Variants in NIPSNAP3A observed in about 807,000 individuals in gnomAD.
NIPSNAP3A encodes the protein protein NipSnap homolog 3A.
In NIPSNAP3A, 27 loss-of-function variants were observed where a neutral mutation model predicts 32.3. The ratio of observed to expected loss-of-function variants is 0.84; its 90% confidence interval spans 0.62 to 1.15. The LOEUF is 1.15. Among genes scored for constraint, NIPSNAP3A ranks in the 50% most tolerant of loss-of-function variants. The pLI is 0.00. For synonymous variants in NIPSNAP3A, 108 were observed against 107.3 expected, an observed-to-expected ratio of 1.01 and a Z score of -0.04; for missense variants, 278 against 297.2, an observed-to-expected ratio of 0.94 and a Z score of 0.48.
At chr9:104,754,445 G>T in intron 3 of NIPSNAP3A, 106 bp from the exon 4 acceptor site, 1 of 916,520 alleles carries the variant, frequency 1.1e-6, no homozygotes, top group East Asian at 2.5e-5. Context: ...ATGCATGTCT[G>T]ATCCTCCAAA....
Position 104,747,837 on chromosome 9 carries a change from G to A in NIPSNAP3A, c.45G>A (p.Arg15=). 6.2e-7 allele frequency: 1 copy of A among 1,608,542 alleles called. No homozygotes were observed. The highest frequency in any genetic ancestry group is 1.3e-5 in the African/African-American group (1 of 74,958). The change falls in exon 1 of 6, where the codon CGG becomes CGA. Residue 15 remains arginine, a synonymous_variant. Transcript: ENST00000374767. ...RSALTRALAS[R]TLAPQMCSSF... is the part of the protein sequence containing the mutation. ...CCCTGACTCGGGCGCTGGCCTCACG[G>A]ACGCTGGCGCCTCAGGTACCGGCCA... is the stretch of plus-strand genomic sequence containing the variant.
At chr9:104,750,138 A>G (rs1373414699) in intron 1 of NIPSNAP3A, among the ~76,000 whole-genome samples, 2 of 152,240 alleles carry the variant, frequency 1.3e-5, no homozygotes, top group Non-Finnish European at 2.9e-5. Context: ...ATGCCTGCCA[A>G]AAGTTACGTG....
intron 3 of NIPSNAP3A, 120 bp from the exon 4 acceptor site, chr9:104,754,430 TA>T: frequency 1.3e-6 from 1 of 763,904 alleles, no homozygotes; most frequent in South Asian, 1.7e-5. Context: ...GTCTACATAA[TA>T]TGTATGCATG....
In NIPSNAP3A at chr9:104,748,308, C is replaced by T. The variant is rs933014052; in HGVS notation, c.60+456C>T. ...GTTGAAGGAGGGAATTGTCAACCAG[C>T]CGCTTGCCACGGAACCGGCCTCCCC... On this transcript the variant is annotated intron_variant, in intron 1 of 5. Transcript: ENST00000374767. Among the ~76,000 whole-genome samples the T allele has an allele frequency of 2.0e-5, 3 of 152,314 alleles. No homozygotes were observed. The South Asian group carries it at 6.2e-4, about 32-fold the overall frequency.
rs1233977719 is a variant in NIPSNAP3A at position 104,754,682 on chromosome 9, T to G, written c.562T>G (p.Tyr188Asp). The G allele has an allele frequency of 6.2e-7, 1 of 1,613,804 alleles. No homozygotes were observed. The highest frequency in any genetic ancestry group is 8.5e-7 in the Non-Finnish European group (1 of 1,179,744). Residue 188 changes from tyrosine (Y) to aspartate (D), a missense_variant, in exon 4 of 6, where the codon TAC (tyrosine) becomes GAC (aspartate). Transcript: ENST00000374767. ...ACTAGTTGGAGTGTTCCACACAGAGTACGGAGCACTCAACAGAGGTACAAT... is the reference window on the plus strand; with the variant it reads ...ACTAGTTGGAGTGTTCCACACAGAGGACGGAGCACTCAACAGAGGTACAAT... Reference protein sequence around the residue: ...TKLVGVFHTEYGALNRVHVLW... With the variant: ...TKLVGVFHTEDGALNRVHVLW...
Position 104,751,005 on chromosome 9 carries a change from A to G in NIPSNAP3A, c.110A>G (p.Tyr37Cys), listed in dbSNP as rs773848150. 1.6e-5 allele frequency: 26 copies of G among 1,613,936 alleles called. No individual in the cohort carries two copies. The highest frequency in any genetic ancestry group is 8.3e-5 in the Admixed American group (5 of 60,002). Residue 37 changes from tyrosine to cysteine, a missense_variant, in exon 2 of 6, where the codon TAT (tyrosine) becomes TGT (cysteine). Physicochemically the swap from Tyr to Cys is radical, Grantham distance 194. Coordinates refer to ENST00000374767, the MANE Select transcript of NIPSNAP3A (RefSeq NM_015469.3). The stretch of plus-strand genomic sequence containing the variant: ...CCCAGACAATACGATGGAATATTCT[A>G]TGAATTTCGTTCTTATTACCTTAAG... ...TGPRQYDGIFYEFRSYYLKPS... is the reference protein window; with the variant it reads ...TGPRQYDGIFCEFRSYYLKPS...
intron 4 of NIPSNAP3A, among the ~76,000 whole-genome samples, chr9:104,755,646 T>C (rs1261718890): frequency 6.6e-6 from 1 of 152,174 alleles, no homozygotes; most frequent in Admixed American, 6.5e-5. Context: ...AAAGAGCTGA[T>C]GAGGTAGCTC....
Position 104,759,393 on chromosome 9 carries a change from T to C in NIPSNAP3A, c.*55T>C. ...AACTGCTATAGGATCTGTCTGCTAA[T>C]GGTGCTTAAATTCTCCCAAGAGGTT... On this transcript the variant is annotated 3_prime_UTR_variant, in exon 6 of 6. Coordinates refer to ENST00000374767, the MANE Select transcript of NIPSNAP3A (RefSeq NM_015469.3). 1 of 1,547,170 alleles carries C rather than the reference T, an allele frequency of 6.5e-7. No individual in the cohort carries two copies. Among genetic ancestry groups the C allele is most frequent in the South Asian group, 1.1e-5 (1 of 88,916 alleles).
In NIPSNAP3A at chr9:104,759,277, A is replaced by G. The variant is rs767467915; in HGVS notation, c.683A>G (p.Asn228Ser). Reference protein sequence around the residue: ...RVVAAVRESVNYLVSQQNMLL... With the variant: ...RVVAAVRESVSYLVSQQNMLL... ...GTTTTTCCAGTTCGGGAAAGTGTCA[A>G]CTACCTAGTATCTCAGCAGAATATG... Residue 228 changes from asparagine to serine, a missense_variant, in exon 6 of 6, where the codon AAC (asparagine) becomes AGC (serine). Asn to Ser is a conservative substitution (Grantham distance 46). Transcript: ENST00000374767. 36 of 1,614,004 alleles carry G rather than the reference A, an allele frequency of 2.2e-5. No individual in the cohort carries two copies. Among genetic ancestry groups the G allele is most frequent in the African/African-American group, 8.0e-5 (6 of 74,908 alleles).
rs3753024 is a variant in NIPSNAP3A, at chr9:104,747,864, G to C, written c.60+12G>C. On this transcript the variant is annotated intron_variant, in intron 1 of 5. Coordinates refer to ENST00000374767, the MANE Select transcript of NIPSNAP3A (RefSeq NM_015469.3). Reference sequence around the variant, plus strand: ...CGCTGGCGCCTCAGGTACCGGCCACGGGGGTACCCAAGCCTTCACCCGACG... The same window carrying C: ...CGCTGGCGCCTCAGGTACCGGCCACCGGGGTACCCAAGCCTTCACCCGACG... 0.64 allele frequency: 1,018,548 copies of C among 1,603,034 alleles called. 326,381 individuals are homozygous for C. The highest frequency in any genetic ancestry group is 0.66 in the Non-Finnish European group (773,524 of 1,176,242).
In NIPSNAP3A at chr9:104,753,044, T is replaced by C; in HGVS notation, c.410T>C (p.Leu137Ser). ...ACTTATCTGGTACCATGGTGCAAAT[T>C]AGAAAAACCTCCAAAAGAAGGTAAG... ...EITYLVPWCK[L>S]EKPPKEGVYE... Residue 137 changes from leucine (L) to serine (S), a missense_variant, in exon 3 of 6, where the codon TTA becomes TCA. By Grantham distance (145) the Leu-to-Ser change is moderately radical. Coordinates refer to ENST00000374767, the MANE Select transcript of NIPSNAP3A (RefSeq NM_015469.3). The C allele has an allele frequency of 6.2e-7, 1 of 1,613,420 alleles. No individual in the cohort carries two copies. The highest frequency in any genetic ancestry group is 8.5e-7 in the Non-Finnish European group (1 of 1,179,488).
chr9:104,758,492 G>C (rs910835004), intron 4 of NIPSNAP3A, among the ~76,000 whole-genome samples: 1 of 152,068 alleles, frequency 6.6e-6, no homozygotes, highest in African/African-American at 2.4e-5. Flanking sequence ...TGTCTTGATT[G>C]TGCCTCTAGC....
chr9:104,747,974 G>T (rs964319662), intron 1 of NIPSNAP3A, 122 bp downstream of exon 1: 3 of 975,542 alleles, frequency 3.1e-6, no homozygotes, highest in South Asian at 3.3e-5. Flanking sequence ...CAGACCTGGG[G>T]CCCCGGTGAG....
At chr9:104,755,919 C>T (rs1827901074) in intron 4 of NIPSNAP3A, among the ~76,000 whole-genome samples, 1 of 147,746 alleles carries the variant, frequency 6.8e-6, no homozygotes, top group African/African-American at 2.5e-5. Context: ...GACCCTGTCT[C>T]TTAAAAAAAA....
At position 104,751,033 on chromosome 9, in the gene NIPSNAP3A, C is replaced by T. The variant is rs761573379; in HGVS notation, c.138C>T (p.Pro46=). The T allele has an allele frequency of 5.6e-6, 9 of 1,614,014 alleles. No homozygotes were observed. The East Asian group carries it at 1.8e-4, about 32-fold the overall frequency. The part of the protein sequence containing the change: ...FYEFRSYYLK[P]SKMNEFLENF... ...AATTTCGTTCTTATTACCTTAAGCCCTCAAAGATGAATGAGTTCCTGGAAA... is the reference window on the plus strand; with the variant it reads ...AATTTCGTTCTTATTACCTTAAGCCTTCAAAGATGAATGAGTTCCTGGAAA... Residue 46 remains proline (P), a synonymous_variant, in exon 2 of 6, where the codon CCC becomes CCT. Transcript: ENST00000374767.
At position 104,751,135 on chromosome 9, in the gene NIPSNAP3A, A is replaced by G; in HGVS notation, c.240A>G (p.Arg80=). 1.2e-6 allele frequency: 2 copies of G among 1,613,690 alleles called. No homozygotes were observed. Among genetic ancestry groups the G allele is most frequent in the Non-Finnish European group, 1.7e-6 (2 of 1,179,606 alleles). Residue 80 remains arginine, a synonymous_variant, in exon 2 of 6, where the codon AGA becomes AGG. Transcript: ENST00000374767. ...ACTGGAGTGTAGAATTTGGAGGCAG[A>G]ATGAATACAGTGTTTCATATTTGGA... ...VGYWSVEFGG[R]MNTVFHIWKY...
intron 3 of NIPSNAP3A, 22 bp downstream of exon 3, chr9:104,753,086 A>G: frequency 1.2e-6 from 2 of 1,603,650 alleles, no homozygotes; most frequent in Non-Finnish European, 8.5e-7. Context: ...CTTCTTAGTC[A>G]CTGAGTTTTG....
rs34457398 is a variant in NIPSNAP3A, at chr9:104,758,971, CAAAAAAAA to C, written c.581-96_581-89del. The C allele has an allele frequency of 3.5e-4, 142 of 402,544 alleles. 1 individual carries two copies. The highest frequency in any genetic ancestry group is 1.7e-3 in the Admixed American group (38 of 22,152). The allele number at this position is 402,544 out of a possible 1,614,324, so 24.9% of individuals were successfully genotyped here. A position where few individuals can be genotyped will look rare whatever the true frequency, so the allele number is the denominator to read the frequency against. On this transcript the variant is annotated intron_variant, in intron 4 of 5. Transcript: ENST00000374767. ...GGTGACAAGAGTGAAACTCTTGTTT[CAAAAAAAA>C]AAAAAAAAAAAAAAAAAGAATAGGA...
Position 104,753,168 on chromosome 9 carries a change from T to C in NIPSNAP3A, c.430+104T>C, listed in dbSNP as rs1039397584. On this transcript the variant is annotated intron_variant, in intron 3 of 5. Coordinates refer to ENST00000374767, the MANE Select transcript of NIPSNAP3A (RefSeq NM_015469.3). Reference sequence around the variant, plus strand: ...TTGGAAAAAAATAAAATTAATTCTTTGTTTTATATAGAAACATACAGTGAT... The same window carrying C: ...TTGGAAAAAAATAAAATTAATTCTTCGTTTTATATAGAAACATACAGTGAT... 5 of 934,444 alleles carry C rather than the reference T, an allele frequency of 5.4e-6. No individual in the cohort carries two copies. The Admixed American group carries it at 6.1e-5, about 11-fold the overall frequency. The allele number at this position is 934,444 out of a possible 1,614,324, so 57.9% of individuals were successfully genotyped here.
Sources: allele counts gnomAD v4.1 joint callset (sites outside exome capture counted in the v4.1 genomes callset), GRCh38; gene constraint gnomAD v4.1.1; transcripts MANE v1.5; gene names NCBI Gene and HGNC (gene_info 2026-07-23, HGNC 2026-07-21).